TRIP11: variants seen among roughly 807,000 people sequenced by gnomAD.
TRIP11 encodes thyroid hormone receptor interactor 11.
TRIP11 carries 148 observed loss-of-function variants against 223.1 expected under a neutral mutation model. That is an observed-to-expected ratio of 0.66 (90% confidence interval 0.58 to 0.76). The LOEUF is 0.76. Among genes scored for constraint, TRIP11 ranks in the 30% least tolerant of loss-of-function variants. The probability of loss-of-function intolerance (pLI) is 0.00; values close to 1 mark genes in which losing one functional copy is unlikely to be tolerated. For synonymous variants in TRIP11, 762 were observed against 772.6 expected (o/e 0.99, Z 0.23); for missense variants, 2,043 against 2,222.0 (o/e 0.92, Z 1.62).
intron 2 of TRIP11, among the ~76,000 whole-genome samples, chr14:92,028,802 T>G (rs942242225): frequency 1.3e-5 from 2 of 152,218 alleles, no homozygotes; most frequent in Non-Finnish European, 2.9e-5. Flanking sequence ...TCAGACTACA[T>G]TTCTGCTATT....
At chr14:92,011,662 A>C (rs1402523748) in intron 8 of TRIP11, 93 bp downstream of exon 8, 2 of 957,156 alleles carry the variant, frequency 2.1e-6, no homozygotes, top group African/African-American at 1.6e-5. Flanking sequence ...AACTCTTTGA[A>C]TCTCTTAAGG....
At position 91,992,692 on chromosome 14, in the gene TRIP11, G is replaced by A. The variant is rs144596112; in HGVS notation, c.5160+1117C>T. ...TGGGAGGCCAAGGCGGGCGGATCAC[G>A]AGGTCAGGAGATCGAGACTATCCTG... is the stretch of plus-strand genomic sequence containing the variant. On this transcript the variant is annotated intron_variant, in intron 15 of 20. Coordinates refer to ENST00000267622, the MANE Select transcript of TRIP11 (RefSeq NM_004239.4). 2.4e-3 allele frequency among the ~76,000 whole-genome samples: 364 copies of A among 151,798 alleles called. 3 individuals are homozygous for A. The highest frequency in any genetic ancestry group is 0.016 in the East Asian group (81 of 5,138).
chr14:91,968,371 ATACT>A lies in TRIP11; in HGVS notation c.*1298_*1301del, dbSNP rs2056360316. The A allele has an allele frequency of 4.9e-6, 1 of 205,508 alleles. No individual in the cohort carries two copies. Among genetic ancestry groups the A allele is most frequent in the African/African-American group, 2.3e-5 (1 of 43,794 alleles). 12.7% of individuals were successfully genotyped at this position (205,508 alleles called of 1,614,324 possible). On this transcript the variant is annotated 3_prime_UTR_variant, in exon 21 of 21. Coordinates refer to ENST00000267622, the MANE Select transcript of TRIP11 (RefSeq NM_004239.4). ...GATGGGTTTATGAAAAATTAAAGAA[ATACT>A]TTCTTAAGTTTCAAACATCTGGGTA...
intron 18 of TRIP11, 130 bp downstream of exon 18, chr14:91,975,042 G>A: frequency 1.2e-6 from 1 of 867,060 alleles, no homozygotes. Flanking sequence ...AATGTTGTAT[G>A]AAGTAATTCC....
At chr14:92,028,548 T>C (rs1252872227) in intron 2 of TRIP11, among the ~76,000 whole-genome samples, 1 of 152,220 alleles carries the variant, frequency 6.6e-6, no homozygotes, top group South Asian at 2.1e-4. Flanking sequence ...AGCAAGACCC[T>C]GTCTCAAAAC....
Position 92,004,204 on chromosome 14 carries a change from C to G in TRIP11, c.3772G>C (p.Asp1258His). ...TCCACTTGTAATTTAGAATTATTAT[C>G]ACTGTCAACCAAAACCTGTGCTTGA... ...QLQAQVLVDS[D>H]NNSKLQVDYT... The change falls in exon 11 of 21, where the codon GAT (aspartate) becomes CAT (histidine). Residue 1258 changes from aspartate (D) to histidine (H), a missense_variant. By Grantham distance (81) the Asp-to-His change is moderately conservative (BLOSUM62 -1). Transcript: ENST00000267622. The G allele has an allele frequency of 6.2e-7, 1 of 1,614,154 alleles. No homozygotes were observed. Among genetic ancestry groups the G allele is most frequent in the Non-Finnish European group, 8.5e-7 (1 of 1,180,028 alleles).
At chr14:92,012,519 T>G (rs1221994765) in intron 7 of TRIP11, among the ~76,000 whole-genome samples, 2 of 151,966 alleles carry the variant, frequency 1.3e-5, no homozygotes, top group Non-Finnish European at 2.9e-5. Context: ...ACAAACAGGG[T>G]AAACACCTAA....
At chr14:91,972,430 T>G (rs1005345797) in intron 20 of TRIP11, among the ~76,000 whole-genome samples, 15 of 152,170 alleles carry the variant, frequency 9.9e-5, no homozygotes, top group African/African-American at 3.6e-4. Context: ...GAGGAATAAT[T>G]CATAGCTGGT....
At chr14:91,992,779 G>T in intron 15 of TRIP11, among the ~76,000 whole-genome samples, 1 of 151,426 alleles carries the variant, frequency 6.6e-6, no homozygotes, top group Non-Finnish European at 1.5e-5. Context: ...TGTGGTGGCG[G>T]GCACCTGTAG....
Position 92,015,878 on chromosome 14 carries a change from A to G in TRIP11, c.658-17T>C, listed in dbSNP as rs754354924. 21 of 1,590,794 alleles carry G rather than the reference A, an allele frequency of 1.3e-5. No individual in the cohort carries two copies. Among genetic ancestry groups the G allele is most frequent in the South Asian group, 2.2e-5 (2 of 89,528 alleles). ...TTTTAGTTCCTTAAAAAATAAAAACAAAGTTATTCACATTTATAATCAATA... is the reference window on the plus strand; with the variant it reads ...TTTTAGTTCCTTAAAAAATAAAAACGAAGTTATTCACATTTATAATCAATA... On this transcript the variant is annotated splice_polypyrimidine_tract_variant and intron_variant, in intron 5 of 20. Coordinates refer to ENST00000267622, the MANE Select transcript of TRIP11 (RefSeq NM_004239.4).
At chr14:92,023,170 A>G (rs1033854709) in intron 3 of TRIP11, among the ~76,000 whole-genome samples, 10 of 152,220 alleles carry the variant, frequency 6.6e-5, no homozygotes, top group Non-Finnish European at 1.3e-4. Flanking sequence ...AGTAGAACAT[A>G]AAATACCAAA....
Position 91,966,373 on chromosome 14 carries a change from T to C in TRIP11, c.*3300A>G. 1 of 184,128 alleles carries C rather than the reference T, an allele frequency of 5.4e-6. No homozygotes were observed. The highest frequency in any genetic ancestry group is 1.2e-5 in the Non-Finnish European group (1 of 86,754). The allele number at this position is 184,128 out of a possible 1,614,324, so 11.4% of individuals were successfully genotyped here. Reference sequence around the variant, plus strand: ...GATATTTACAAAACTTAAAGATAAATTTTTGTGGATGGAAGATGTCTTGAA... The same window carrying C: ...GATATTTACAAAACTTAAAGATAAACTTTTGTGGATGGAAGATGTCTTGAA... On this transcript the variant is annotated 3_prime_UTR_variant, in exon 21 of 21. Coordinates refer to ENST00000267622, the MANE Select transcript of TRIP11 (RefSeq NM_004239.4).
At chr14:92,030,343 C>A (rs1323304148) in intron 2 of TRIP11, among the ~76,000 whole-genome samples, 3 of 151,944 alleles carry the variant, frequency 2.0e-5, no homozygotes, top group African/African-American at 7.3e-5. Context: ...AGGACTTAAA[C>A]CATTTCATTT....
At chr14:91,981,471 C>A (rs2056544251) in intron 16 of TRIP11, among the ~76,000 whole-genome samples, 2 of 152,142 alleles carry the variant, frequency 1.3e-5, no homozygotes, top group African/African-American at 2.4e-5. Context: ...CTCACTGCAA[C>A]CTCTGCCTCC....
intron 3 of TRIP11, among the ~76,000 whole-genome samples, chr14:92,023,391 T>G (rs1467518995): frequency 6.6e-6 from 1 of 152,264 alleles, no homozygotes; most frequent in African/African-American, 2.4e-5. Flanking sequence ...AAAATTCATT[T>G]ATGTTTCATA....
rs1448500047 is a variant in TRIP11 at position 91,978,460 on chromosome 14, A to G, written c.5261-2271T>C. On this transcript the variant is annotated intron_variant, in intron 16 of 20. Coordinates refer to ENST00000267622, the MANE Select transcript of TRIP11 (RefSeq NM_004239.4). This position sits in a 1 kb window ranked among gnomAD's most constrained non-coding sequence, Gnocchi z 4.4. ...AATTAGTAATTTGTATATTGATTACATGTCTATATAATAATTTGGTTATAC... is the reference window on the plus strand; with the variant it reads ...AATTAGTAATTTGTATATTGATTACGTGTCTATATAATAATTTGGTTATAC... Among the ~76,000 whole-genome samples the G allele has an allele frequency of 6.6e-6, 1 of 152,100 alleles. No homozygotes were observed. The highest frequency in any genetic ancestry group is 1.5e-5 in the Non-Finnish European group (1 of 68,026).
At chr14:92,036,396 TC>T (rs774780654) in intron 1 of TRIP11, among the ~76,000 whole-genome samples, 1 of 152,226 alleles carries the variant, frequency 6.6e-6, no homozygotes, top group Non-Finnish European at 1.5e-5. Flanking sequence ...TTTCATTTAA[TC>T]CTCTCAACCT....
At chr14:92,009,553 G>A (rs1204866165) in intron 9 of TRIP11, among the ~76,000 whole-genome samples, 1 of 151,916 alleles carries the variant, frequency 6.6e-6, no homozygotes, top group African/African-American at 2.4e-5. Flanking sequence ...GAATACAATG[G>A]GAGCAAAAAC....
intron 2 of TRIP11, among the ~76,000 whole-genome samples, chr14:92,031,568 C>T (rs1286300706): frequency 1.3e-5 from 2 of 152,096 alleles, no homozygotes; most frequent in African/African-American, 4.8e-5. Context: ...AAAAGCAAGA[C>T]CATGTCTCAA....
Sources: gnomAD v4.1 joint callset for allele counts (sites outside exome capture counted in the v4.1 genomes callset) on GRCh38, gnomAD v4.1.1 for gene constraint, Gnocchi (gnomAD v3.1) non-coding constraint, MANE v1.5 for transcripts, NCBI Gene and HGNC (gene_info 2026-07-23, HGNC 2026-07-21) for gene names.